Variants in CALD1 observed in about 807,000 individuals in gnomAD.
The protein encoded by CALD1 is caldesmon 1, also known as caldesmon.
Under a neutral mutation model 99.9 loss-of-function variants are expected in CALD1, and 33 were observed. That is an observed-to-expected ratio of 0.33 (90% confidence interval 0.25 to 0.44). The LOEUF is 0.44. Ranked by LOEUF, CALD1 falls within the 20% of genes least tolerant of loss-of-function variation. The pLI is 1.00. For missense variants in CALD1, 861 were observed against 962.1 expected (o/e 0.89, Z 1.39); for synonymous variants, 310 against 325.0 (o/e 0.95, Z 0.50).
intron 1 of CALD1, among the ~76,000 whole-genome samples, chr7:134,758,501 G>GGTGTGTGTGTGTGTGTGTGTGT (rs59389296): frequency 6.9e-6 from 1 of 145,128 alleles, no homozygotes; most frequent in East Asian, 2.1e-4. Context: ...CTCCCATTGG[G>GGTGTGTGTGTGTGTGTGTGTGT]GTGTGTGTGT....
chr7:134,797,766 A>G (rs76041797), intron 1 of CALD1, among the ~76,000 whole-genome samples: 44,419 of 151,790 alleles, frequency 0.29, 7,272 homozygotes, highest in East Asian at 0.65. Context: ...TAATTTTTGT[A>G]TTTTTAGTAG....
At chr7:134,850,501 T>C (rs945377630) in intron 2 of CALD1, among the ~76,000 whole-genome samples, 3 of 152,194 alleles carry the variant, frequency 2.0e-5, no homozygotes, top group African/African-American at 7.2e-5. Context: ...ATAATAAGGA[T>C]TGTCACAAGG....
intron 1 of CALD1, among the ~76,000 whole-genome samples, chr7:134,768,009 G>A (rs1407465573): frequency 6.6e-6 from 1 of 152,168 alleles, no homozygotes; most frequent in Non-Finnish European, 1.5e-5. Context: ...GAAACTTTTT[G>A]CTTTCTCTAA....
chr7:134,941,256 TTA>T lies in CALD1; in HGVS notation c.1532+20_1532+21del. Reference sequence around the variant, plus strand: ...CTTTCAGGTAAGAAGTAGCAACTAGTTAATAGAAACTGTGTTCACATGCAAAG... The same window carrying T: ...CTTTCAGGTAAGAAGTAGCAACTAGTATAGAAACTGTGTTCACATGCAAAG... On this transcript the variant is annotated intron_variant, in intron 7 of 14. Transcript: ENST00000361675. The T allele has an allele frequency of 6.4e-7, 1 of 1,570,548 alleles. No individual in the cohort carries two copies. Among genetic ancestry groups the T allele is most frequent in the Non-Finnish European group, 8.6e-7 (1 of 1,163,136 alleles).
chr7:134,869,501 A>C (rs1227174997), intron 3 of CALD1, among the ~76,000 whole-genome samples: 1 of 152,192 alleles, frequency 6.6e-6, no homozygotes, highest in Non-Finnish European at 1.5e-5. Flanking sequence ...AAGAAAGATC[A>C]AATATGAGAG....
the CALD1 span, among the ~76,000 whole-genome samples, chr7:134,734,529 A>G: frequency 0.66 from 100,627 of 152,142 alleles, 33,809 homozygotes; most frequent in East Asian, 0.89. Context: ...TGATTTGTCT[A>G]TGTCGCCACC....
At chr7:134,965,103 G>A (rs987201555) in intron 13 of CALD1, 41 of 449,458 alleles carry the variant, frequency 9.1e-5, no homozygotes, top group Middle Eastern at 6.7e-4. Context: ...GCTACAGAGT[G>A]AGACTCTGTC....
At chr7:134,819,673 T>G (rs1798696018) in intron 1 of CALD1, among the ~76,000 whole-genome samples, 1 of 152,300 alleles carries the variant, frequency 6.6e-6, no homozygotes, top group African/African-American at 2.4e-5. Flanking sequence ...TAAGAAGCCC[T>G]TGTAAAAAAC....
intron 1 of CALD1, among the ~76,000 whole-genome samples, chr7:134,751,529 G>C (rs994905080): frequency 6.6e-6 from 1 of 151,964 alleles, no homozygotes; most frequent in African/African-American, 2.4e-5. Flanking sequence ...TCCTTCCCTC[G>C]CCAAGAATAC....
At chr7:134,866,094 C>CCA (rs1800790504) in intron 2 of CALD1, among the ~76,000 whole-genome samples, 2 of 152,134 alleles carry the variant, frequency 1.3e-5, no homozygotes, top group Non-Finnish European at 2.9e-5. Flanking sequence ...ACCCTACTGC[C>CCA]CACAGGGCTG....
intron 7 of CALD1, 46 bp downstream of exon 7, chr7:134,941,283 GA>G (rs112804599): frequency 0.14 from 140,387 of 992,570 alleles, 8 homozygotes; most frequent in South Asian, 0.17. Flanking sequence ...CACATGCAAA[GA>G]AAAAAAAAAA....
At chr7:134,932,330 C>T (rs1805584677) in intron 4 of CALD1, among the ~76,000 whole-genome samples, 1 of 152,168 alleles carries the variant, frequency 6.6e-6, no homozygotes, top group African/African-American at 2.4e-5. Flanking sequence ...TTCTTCCTCT[C>T]AAAGTACCTT....
At chr7:134,915,841 A>C (rs1253521262) in intron 3 of CALD1, among the ~76,000 whole-genome samples, 2 of 152,208 alleles carry the variant, frequency 1.3e-5, no homozygotes, top group Non-Finnish European at 2.9e-5. Context: ...CCAAATCACA[A>C]CAAATGGGTG....
intron 3 of CALD1, among the ~76,000 whole-genome samples, chr7:134,878,660 A>T (rs189544690): frequency 6.6e-6 from 1 of 152,164 alleles, no homozygotes; most frequent in Admixed American, 6.5e-5. Flanking sequence ...ATTCTCATCA[A>T]AATAAAATAA....
At chr7:134,846,741 C>T (rs1799868332) in intron 2 of CALD1, among the ~76,000 whole-genome samples, 1 of 152,078 alleles carries the variant, frequency 6.6e-6, no homozygotes, top group South Asian at 2.1e-4. Flanking sequence ...TTCTTTATTC[C>T]CCCTCCTCAC....
chr7:134,711,652 CTCTCTCTCTATATA>C, the CALD1 span, among the ~76,000 whole-genome samples: 1 of 68,400 alleles, frequency 1.5e-5, no homozygotes, highest in Non-Finnish European at 2.7e-5. Context: ...CTCTCTCTCT[CTCTCTCTCTATATA>C]TATATATATA....
chr7:134,965,340 A>G lies in CALD1; in HGVS notation c.2330A>G (p.Asn777Ser). The G allele has an allele frequency of 6.3e-7, 1 of 1,597,160 alleles. No homozygotes were observed. The highest frequency in any genetic ancestry group is 8.6e-7 in the Non-Finnish European group (1 of 1,164,604). Residue 777 changes from asparagine (N) to serine (S), a missense_variant, in exon 14 of 15, where the codon AAC (asparagine) becomes AGC (serine). Around this residue, in one of 5 missense-constraint regions of CALD1, gnomAD observed 190 missense variants for 249.0 expected, o/e 0.76. Coordinates refer to ENST00000361675, the MANE Select transcript of CALD1 (RefSeq NM_033138.4). Reference protein sequence around the residue: ...LRPGDVSSKRNLWEKQSVDKV... With the variant: ...LRPGDVSSKRSLWEKQSVDKV... ...CCAGGAGACGTATCCAGCAAGCGGA[A>G]CCTCTGGGAAAAGCAATCTGTGGAT...
intron 1 of CALD1, among the ~76,000 whole-genome samples, chr7:134,748,646 G>A (rs550404527): frequency 2.6e-5 from 4 of 152,204 alleles, no homozygotes; most frequent in Non-Finnish European, 5.9e-5. Flanking sequence ...GGAAGGCAGA[G>A]GTTGCAGTGA....
intron 2 of CALD1, among the ~76,000 whole-genome samples, chr7:134,861,537 G>A (rs529830496): frequency 3.3e-5 from 5 of 152,314 alleles, no homozygotes; most frequent in African/African-American, 1.2e-4. Flanking sequence ...TGTGATTCAA[G>A]GTTGAAGATG....
Sources: gnomAD v4.1 joint callset for allele counts (sites outside exome capture counted in the v4.1 genomes callset) on GRCh38, gnomAD v4.1.1 for gene constraint, gnomAD v4.1.1 regional missense constraint, MANE v1.5 for transcripts, NCBI Gene and HGNC (gene_info 2026-07-23, HGNC 2026-07-21) for gene names.